Variants in HIKESHI observed in about 807,000 individuals in gnomAD.
HIKESHI encodes the protein heat shock protein nuclear import factor hikeshi.
Under a neutral mutation model 25.7 loss-of-function variants are expected in HIKESHI, and 13 were observed. The ratio of observed to expected loss-of-function variants is 0.51; its 90% confidence interval spans 0.33 to 0.80. The LOEUF (loss-of-function observed/expected upper bound fraction) is 0.80, where lower values mean the gene tolerates loss of function less well. Ranked by LOEUF, HIKESHI falls within the 30% of genes least tolerant of loss-of-function variation. HIKESHI has a pLI of 0.02. For missense variants in HIKESHI, 174 were observed against 229.5 expected (o/e 0.76, Z 1.56); for synonymous variants, 76 against 78.7 (o/e 0.97, Z 0.18).
At chr11:86,325,133 G>A (rs879918312) in intron 2 of HIKESHI, among the ~76,000 whole-genome samples, 3 of 151,502 alleles carry the variant, frequency 2.0e-5, no homozygotes, top group African/African-American at 4.9e-5. Flanking sequence ...AGCCAAGATC[G>A]CACCACTCTT....
At chr11:86,331,670 C>T (rs1382326651) in intron 2 of HIKESHI, among the ~76,000 whole-genome samples, 1 of 151,890 alleles carries the variant, frequency 6.6e-6, no homozygotes, top group Admixed American at 6.6e-5. Flanking sequence ...TCATTAAGTA[C>T]CTTTCAGACA....
rs1565719962 is a variant in HIKESHI, at chr11:86,307,954, T to TA, written c.268+1473dup. On this transcript the variant is annotated intron_variant, in intron 2 of 4. Coordinates refer to ENST00000278483, the MANE Select transcript of HIKESHI (RefSeq NM_016401.4). ...TATAAAATATATATTATGTGTAATA[T>TA]ATATTATATAAAATATATATGTGTA... 8.7e-4 allele frequency among the ~76,000 whole-genome samples: 51 copies of TA among 58,722 alleles called. 6 individuals are homozygous for TA. The highest frequency in any genetic ancestry group is 0.02 in the Middle Eastern group (1 of 50). 38.5% of individuals were successfully genotyped at this position (58,722 alleles called of 152,430 possible). A position where few individuals can be genotyped will look rare whatever the true frequency, so the allele number is the denominator to read the frequency against.
At chr11:86,304,322 A>G (rs1487404094) in intron 1 of HIKESHI, among the ~76,000 whole-genome samples, 1 of 152,150 alleles carries the variant, frequency 6.6e-6, no homozygotes, top group Non-Finnish European at 1.5e-5. Context: ...GGCATGTCAT[A>G]GCCTTCTTGC....
chr11:86,316,824 C>T (rs61904309), intron 2 of HIKESHI, among the ~76,000 whole-genome samples: 79,809 of 121,724 alleles, frequency 0.66, 25,166 homozygotes, highest in East Asian at 0.82. Flanking sequence ...GACAGAGTCT[C>T]GCTCTGTTGC....
rs950874738 is a variant in HIKESHI at position 86,311,322 on chromosome 11, T to G, written c.268+4840T>G. On this transcript the variant is annotated intron_variant, in intron 2 of 4. Transcript: ENST00000278483. ...ATGTGTCAAGGAATTTATCCATTTC[T>G]TCTAGATTTTCTAGTTTATTTGCGT... Among the ~76,000 whole-genome samples the G allele has an allele frequency of 9.2e-5, 14 of 152,378 alleles. No individual in the cohort carries two copies. The East Asian group carries it at 2.5e-3, about 27-fold the overall frequency.
chr11:86,327,536 G>A (rs562987650), intron 2 of HIKESHI, among the ~76,000 whole-genome samples: 2 of 151,942 alleles, frequency 1.3e-5, no homozygotes, highest in East Asian at 1.9e-4. Flanking sequence ...GGATGGTCTC[G>A]ATCTCCTGAC....
At chr11:86,320,055 C>G (rs940400524) in intron 2 of HIKESHI, among the ~76,000 whole-genome samples, 2 of 152,076 alleles carry the variant, frequency 1.3e-5, no homozygotes, top group Non-Finnish European at 2.9e-5. Context: ...CATTCTTTCT[C>G]TTTATGTATG....
intron 3 of HIKESHI, among the ~76,000 whole-genome samples, chr11:86,339,940 C>T (rs945780656): frequency 1.3e-5 from 2 of 151,362 alleles, no homozygotes; most frequent in Non-Finnish European, 2.9e-5. Flanking sequence ...GTGATGTTCC[C>T]TGCCCTGTAT....
chr11:86,313,053 G>T (rs903342802), intron 2 of HIKESHI, among the ~76,000 whole-genome samples: 1 of 151,980 alleles, frequency 6.6e-6, no homozygotes, highest in East Asian at 1.9e-4. Flanking sequence ...TGCGCTTCTC[G>T]AGGAGTATCT....
rs11601626 is a variant in HIKESHI at position 86,308,676 on chromosome 11, C to T, written c.268+2194C>T. Among the ~76,000 whole-genome samples the T allele has an allele frequency of 8.9e-3, 1,349 of 151,726 alleles. 10 individuals carry two copies. The highest frequency in any genetic ancestry group is 0.023 in the South Asian group (112 of 4,808). ...TTTTGGTGTGCTGCACCCGTTAACT[C>T]GTCATTTACATTAGGTATATCTCCT... On this transcript the variant is annotated intron_variant, in intron 2 of 4. Transcript: ENST00000278483.
At chr11:86,303,158 T>C (rs373023534) in intron 1 of HIKESHI, among the ~76,000 whole-genome samples, 1 of 152,328 alleles carries the variant, frequency 6.6e-6, no homozygotes, top group African/African-American at 2.4e-5. Flanking sequence ...TGGAATTCTT[T>C]AGGAATAATC....
At chr11:86,341,488 C>CTTTTT (rs112151717) in intron 3 of HIKESHI, among the ~76,000 whole-genome samples, 13 of 142,808 alleles carry the variant, frequency 9.1e-5, no homozygotes, top group Non-Finnish European at 1.7e-4. Flanking sequence ...TGGAATTCTC[C>CTTTTT]TTTTTTTTTT....
At chr11:86,326,960 G>A (rs1043532431) in intron 2 of HIKESHI, among the ~76,000 whole-genome samples, 1 of 152,104 alleles carries the variant, frequency 6.6e-6, no homozygotes, top group Non-Finnish European at 1.5e-5. Context: ...GCATGGTGGC[G>A]TGTGCCTATA....
intron 2 of HIKESHI, among the ~76,000 whole-genome samples, chr11:86,335,594 T>C (rs553777352): frequency 6.6e-6 from 1 of 152,336 alleles, no homozygotes; most frequent in African/African-American, 2.4e-5. Flanking sequence ...ACTAAAGGCA[T>C]GTCCCAACAC....
intron 1 of HIKESHI, among the ~76,000 whole-genome samples, chr11:86,303,004 C>G (rs1946536020): frequency 6.6e-6 from 1 of 152,190 alleles, no homozygotes; most frequent in South Asian, 2.1e-4. Context: ...TAAAAATAAG[C>G]TTAATTTAAT....
At chr11:86,326,547 A>ATGCCT (rs1947287207) in intron 2 of HIKESHI, 1 of 456,140 alleles carries the variant, frequency 2.2e-6, no homozygotes, top group Non-Finnish European at 4.4e-6. Flanking sequence ...GCCTACTTTC[A>ATGCCT]ACATCTGCAT....
intron 3 of HIKESHI, among the ~76,000 whole-genome samples, chr11:86,338,410 A>G (rs1481600738): frequency 1.3e-5 from 2 of 152,184 alleles, no homozygotes; most frequent in East Asian, 3.8e-4. Context: ...TTCACTTTAG[A>G]CAGGATAATG....
At chr11:86,315,248 G>C (rs1015566758) in intron 2 of HIKESHI, among the ~76,000 whole-genome samples, 4 of 152,022 alleles carry the variant, frequency 2.6e-5, no homozygotes, top group Non-Finnish European at 4.4e-5. Context: ...TAGTTTAGCA[G>C]ACTTATCAAG....
chr11:86,330,559 C>T (rs948413823), intron 2 of HIKESHI, among the ~76,000 whole-genome samples: 11 of 152,132 alleles, frequency 7.2e-5, no homozygotes, highest in African/African-American at 2.7e-4. Context: ...CATTTACTCA[C>T]TTTTATTTTG....
Sources: gnomAD v4.1 joint callset for allele counts (sites outside exome capture counted in the v4.1 genomes callset) on GRCh38, gnomAD v4.1.1 for gene constraint, MANE v1.5 for transcripts, NCBI Gene and HGNC (gene_info 2026-07-23, HGNC 2026-07-21) for gene names.